Variants in PGPEP1L observed in about 807,000 individuals in gnomAD.
The protein encoded by PGPEP1L is pyroglutamyl-peptidase I like, also known as pyroglutamyl-peptidase 1-like protein.
A neutral mutation model predicts 6.0 loss-of-function variants in PGPEP1L; 7 were observed. That is an observed-to-expected ratio of 1.17 (90% CI 0.66 to 2.19). PGPEP1L has a LOEUF of 2.19. Among genes scored for constraint, PGPEP1L ranks in the 30% most tolerant of loss-of-function variants. PGPEP1L has a pLI of 0.00. For missense variants in PGPEP1L, 209 were observed against 192.5 expected, an observed-to-expected ratio of 1.09 and a Z score of -0.51; for synonymous variants, 103 against 83.9, an observed-to-expected ratio of 1.23 and a Z score of -1.24.
At chr15:98,993,360 T>C (rs904839050) in intron 2 of PGPEP1L, among the ~76,000 whole-genome samples, 11 of 152,208 alleles carry the variant, frequency 7.2e-5, no homozygotes, top group African/African-American at 2.7e-4. Flanking sequence ...TCATCATCAC[T>C]GGTCATTAGA....
intron 2 of PGPEP1L, among the ~76,000 whole-genome samples, chr15:98,979,838 T>C (rs1401254007): frequency 6.6e-6 from 1 of 151,950 alleles, no homozygotes; most frequent in African/African-American, 2.4e-5. Context: ...TTAGTAGAGA[T>C]GGGGTTTTAC....
intron 2 of PGPEP1L, among the ~76,000 whole-genome samples, chr15:98,999,502 T>C (rs1325402271): frequency 6.6e-6 from 1 of 152,224 alleles, no homozygotes; most frequent in East Asian, 1.9e-4. Flanking sequence ...AATGGTACTG[T>C]TGCTCCGGGA....
rs1307437173 is a variant in PGPEP1L at position 99,007,475 on chromosome 15, T to C, written c.-486A>G. 6 of 152,202 alleles carry C rather than the reference T, an allele frequency of 3.9e-5. No individual in the cohort carries two copies. Among genetic ancestry groups the C allele is most frequent in the African/African-American group, 1.4e-4 (6 of 41,436 alleles). The allele number at this position is 152,202 out of a possible 1,614,324, so 9.4% of individuals were successfully genotyped here. ...GTTTTTAAAGGCAGCGTGTCCCAAGTTTGTTTCTTCTGATGCTCGCATGTG... is the reference window on the plus strand; with the variant it reads ...GTTTTTAAAGGCAGCGTGTCCCAAGCTTGTTTCTTCTGATGCTCGCATGTG... On this transcript the variant is annotated 5_prime_UTR_variant, in exon 1 of 5. Coordinates refer to ENST00000535714, the MANE Select transcript of PGPEP1L (RefSeq NM_001167902.2).
chr15:98,988,884 T>A (rs2017783761), intron 2 of PGPEP1L, among the ~76,000 whole-genome samples: 1 of 151,910 alleles, frequency 6.6e-6, no homozygotes, highest in East Asian at 1.9e-4. Context: ...TGCAGTAGAG[T>A]GCCCTGACTG....
chr15:99,000,312 C>T (rs1430950524), intron 2 of PGPEP1L, among the ~76,000 whole-genome samples: 6 of 152,208 alleles, frequency 3.9e-5, no homozygotes, highest in African/African-American at 9.6e-5. Context: ...CCTGTGCCAA[C>T]GAGCCTCCCA....
At chr15:98,995,686 A>G (rs1331417277) in intron 2 of PGPEP1L, among the ~76,000 whole-genome samples, 1 of 152,112 alleles carries the variant, frequency 6.6e-6, no homozygotes, top group Non-Finnish European at 1.5e-5. Flanking sequence ...ACAGAGCTAG[A>G]CTCTGTCTCT....
rs1210291159 is a variant in PGPEP1L, at chr15:98,981,101, TCA to T, written c.-141-9945_-141-9944del. Reference sequence around the variant, plus strand: ...TACCTCTGTCTTCCTCCCCCTAACCTCAGTCTGATCATGAGAAAAGCAGCAGA... The same window carrying T: ...TACCTCTGTCTTCCTCCCCCTAACCTGTCTGATCATGAGAAAAGCAGCAGA... On this transcript the variant is annotated intron_variant, in intron 2 of 4. Transcript: ENST00000535714. Among the ~76,000 whole-genome samples the T allele has an allele frequency of 3.3e-5, 5 of 152,122 alleles. No individual in the cohort carries two copies. The East Asian group carries it at 9.7e-4, about 29-fold the overall frequency.
At chr15:99,000,809 A>G (rs1012621719) in intron 2 of PGPEP1L, among the ~76,000 whole-genome samples, 7 of 152,166 alleles carry the variant, frequency 4.6e-5, no homozygotes, top group Non-Finnish European at 1.0e-4. Context: ...GATAAGAGAA[A>G]AAAAAGCAGG....
chr15:99,001,930 C>G (rs529818166), intron 2 of PGPEP1L, among the ~76,000 whole-genome samples: 1 of 152,240 alleles, frequency 6.6e-6, no homozygotes, highest in Admixed American at 6.5e-5. Context: ...GTTGGCCAGG[C>G]TGGTCTCGAA....
intron 1 of PGPEP1L, among the ~76,000 whole-genome samples, chr15:99,006,747 G>A (rs12898607): frequency 0.94 from 142,444 of 152,310 alleles, 66,648 homozygotes; most frequent in South Asian, 0.95. Context: ...GCCGTCAGTC[G>A]TAACTGCACC....
At chr15:98,982,708 T>C (rs949711830) in intron 2 of PGPEP1L, among the ~76,000 whole-genome samples, 34 of 99,240 alleles carry the variant, frequency 3.4e-4, no homozygotes, top group African/African-American at 2.2e-3. Context: ...GGCTTTTTTT[T>C]TTTTTTTTTT....
At chr15:98,969,970 A>G (rs143254686) in intron 3 of PGPEP1L, among the ~76,000 whole-genome samples, 203 of 152,208 alleles carry the variant, frequency 1.3e-3, no homozygotes, top group Middle Eastern at 6.8e-3. Flanking sequence ...GAGGCAAGCT[A>G]GTAAGTGGTG....
chr15:98,993,189 A>G (rs2017841396), intron 2 of PGPEP1L, among the ~76,000 whole-genome samples: 1 of 152,200 alleles, frequency 6.6e-6, no homozygotes, highest in South Asian at 2.1e-4. Context: ...ATGGGAGAAC[A>G]TTTTTGCAAT....
At chr15:99,000,032 TGCAGGGAG>T (rs1424708541) in intron 2 of PGPEP1L, among the ~76,000 whole-genome samples, 1 of 152,202 alleles carries the variant, frequency 6.6e-6, no homozygotes, top group Non-Finnish European at 1.5e-5. Context: ...TCTCTCAGCT[TGCAGGGAG>T]GCGTGGAGGG....
intron 1 of PGPEP1L, among the ~76,000 whole-genome samples, chr15:99,006,101 G>A (rs1217354858): frequency 1.3e-5 from 2 of 152,182 alleles, no homozygotes; most frequent in African/African-American, 4.8e-5. Flanking sequence ...AATATTGATT[G>A]CAAGCACCGC....
chr15:98,969,656 GT>G lies in PGPEP1L; in HGVS notation c.-18-6del. On this transcript the variant is annotated splice_polypyrimidine_tract_variant and splice_region_variant and intron_variant, in intron 3 of 4. Coordinates refer to ENST00000535714, the MANE Select transcript of PGPEP1L (RefSeq NM_001167902.2). ...CATGCCCACATGCACGACGAGCTGT[GT>G]GAACGGGTAACAGCAGAGAGAACCC... 1 of 1,609,724 alleles carries G rather than the reference GT, an allele frequency of 6.2e-7. No individual in the cohort carries two copies.
rs1555473999 is a variant in PGPEP1L, at chr15:99,007,647, TAAG to T, written c.-661_-659del. ...GGTGGGTCCGTGATGTGGCTGGCTT[TAAG>T]AACGAAGCTGCAGACCTTCACGGTG... On this transcript the variant is annotated 5_prime_UTR_variant, in exon 1 of 5. It introduces an in-frame stop codon into an upstream open reading frame of the 5' UTR. Coordinates refer to ENST00000535714, the MANE Select transcript of PGPEP1L (RefSeq NM_001167902.2). The T allele has an allele frequency of 6.6e-6, 1 of 152,100 alleles. No individual in the cohort carries two copies. The highest frequency in any genetic ancestry group is 1.5e-5 in the Non-Finnish European group (1 of 68,100). 9.4% of individuals were successfully genotyped at this position (152,100 alleles called of 1,614,324 possible).
chr15:98,996,691 G>T (rs148480940), intron 2 of PGPEP1L, among the ~76,000 whole-genome samples: 1 of 152,064 alleles, frequency 6.6e-6, no homozygotes. Context: ...GTATCCATGT[G>T]TGCACGCGTG....
In PGPEP1L at chr15:98,968,459, T is replaced by C. The variant is rs1248437162; in HGVS notation, c.*19A>G. 1 of 1,605,824 alleles carries C rather than the reference T, an allele frequency of 6.2e-7. No individual in the cohort carries two copies. Among genetic ancestry groups the C allele is most frequent in the Non-Finnish European group, 8.5e-7 (1 of 1,175,288 alleles). On this transcript the variant is annotated 3_prime_UTR_variant, in exon 5 of 5. Transcript: ENST00000535714. ...CAGGATTGAAACATTCAATTTTCTC[T>C]AGAGGAGCAATCCCCCGGTCAGTTC...
Sources: allele counts gnomAD v4.1 joint callset (sites outside exome capture counted in the v4.1 genomes callset), GRCh38; gene constraint gnomAD v4.1.1; transcripts MANE v1.5; gene names NCBI Gene and HGNC (gene_info 2026-07-23, HGNC 2026-07-21).